The following SWAP70 variants were observed in gnomAD, a reference collection of about 807,000 sequenced individuals.
SWAP70 encodes the protein switch-associated protein 70.
Under a neutral mutation model 80.2 loss-of-function variants are expected in SWAP70, and 34 were observed. The ratio of observed to expected loss-of-function variants is 0.42; its 90% CI spans 0.32 to 0.56. SWAP70 has a LOEUF of 0.56. Ranked by LOEUF, SWAP70 falls within the 20% of genes least tolerant of loss-of-function variation. The pLI, the probability that SWAP70 is intolerant of heterozygous loss-of-function variation, is 0.09. For missense variants in SWAP70, 578 were observed against 690.7 expected, an observed-to-expected ratio of 0.84 and a Z score of 1.83; for synonymous variants, 239 against 238.5, an observed-to-expected ratio of 1.00 and a Z score of -0.02.
chr11:9,718,445 C>T (rs1851093100), intron 3 of SWAP70, among the ~76,000 whole-genome samples: 1 of 152,186 alleles, frequency 6.6e-6, no homozygotes, highest in Non-Finnish European at 1.5e-5. Context: ...TAGCCTATCA[C>T]CTGGCCTTTG....
At chr11:9,667,566 C>A (rs1331028058) in intron 1 of SWAP70, among the ~76,000 whole-genome samples, 1 of 151,674 alleles carries the variant, frequency 6.6e-6, no homozygotes, top group Non-Finnish European at 1.5e-5. Flanking sequence ...CTTTATAATT[C>A]TTTTTCTCTT....
intron 1 of SWAP70, chr11:9,681,289 G>C (rs1590014900): frequency 1.3e-5 from 2 of 152,196 alleles, no homozygotes; most frequent in South Asian, 4.1e-4. Context: ...GAAATACTGT[G>C]AGTGGAGTAG....
At chr11:9,732,497 C>G in intron 6 of SWAP70, 32 bp from the exon 7 acceptor site, 1 of 1,570,448 alleles carries the variant, frequency 6.4e-7, no homozygotes, top group Middle Eastern at 1.7e-4. Context: ...TAATATCTCC[C>G]CATTTTTTTT....
At chr11:9,720,890 A>C (rs1851125656) in intron 3 of SWAP70, among the ~76,000 whole-genome samples, 1 of 152,096 alleles carries the variant, frequency 6.6e-6, no homozygotes, top group Non-Finnish European at 1.5e-5. Flanking sequence ...ATCTTGGCTC[A>C]CTGCAATCTC....
intron 1 of SWAP70, among the ~76,000 whole-genome samples, chr11:9,669,472 C>G: frequency 6.6e-6 from 1 of 152,184 alleles, no homozygotes; most frequent in East Asian, 1.9e-4. Flanking sequence ...TCAAGTGATC[C>G]ACCTGCCTCG....
At chr11:9,706,632 GA>G (rs1308494111) in intron 2 of SWAP70, among the ~76,000 whole-genome samples, 1 of 151,728 alleles carries the variant, frequency 6.6e-6, no homozygotes, top group Admixed American at 6.6e-5. Flanking sequence ...TCTCACATTA[GA>G]AAAAAGTTTT....
intron 4 of SWAP70, 43 bp from the exon 5 acceptor site, chr11:9,728,010 A>G (rs1851248038): frequency 1.3e-6 from 2 of 1,537,164 alleles, no homozygotes; most frequent in South Asian, 1.3e-5. Context: ...CAGCTCTTAC[A>G]AATAAAAAGA....
intron 1 of SWAP70, among the ~76,000 whole-genome samples, chr11:9,669,954 C>T (rs1161163985): frequency 6.6e-6 from 1 of 152,072 alleles, no homozygotes; most frequent in Non-Finnish European, 1.5e-5. Context: ...GTGGCAAAAC[C>T]CTGTCTCTAC....
At chr11:9,689,883 G>A (rs1389803506) in intron 1 of SWAP70, among the ~76,000 whole-genome samples, 1 of 152,158 alleles carries the variant, frequency 6.6e-6, no homozygotes, top group Non-Finnish European at 1.5e-5. Flanking sequence ...CTGATGGGGT[G>A]GGGCTGGGGT....
chr11:9,687,768 G>C (rs1435978233), intron 1 of SWAP70, among the ~76,000 whole-genome samples: 1 of 152,196 alleles, frequency 6.6e-6, no homozygotes, highest in Non-Finnish European at 1.5e-5. Flanking sequence ...GCTAGTCACT[G>C]AAGGATGCAG....
At chr11:9,686,247 C>T (rs1330968387) in intron 1 of SWAP70, among the ~76,000 whole-genome samples, 3 of 151,978 alleles carry the variant, frequency 2.0e-5, no homozygotes, top group African/African-American at 7.2e-5. Flanking sequence ...CCATCATGTA[C>T]ACACATGCAT....
At chr11:9,707,976 C>T (rs893824621) in intron 2 of SWAP70, among the ~76,000 whole-genome samples, 2 of 152,012 alleles carry the variant, frequency 1.3e-5, no homozygotes, top group East Asian at 1.9e-4. Context: ...GATTTTGGTG[C>T]ACCTGTCACC....
At chr11:9,667,257 A>G (rs796720366) in intron 1 of SWAP70, among the ~76,000 whole-genome samples, 36 of 151,730 alleles carry the variant, frequency 2.4e-4, no homozygotes, top group African/African-American at 8.7e-4. Context: ...TGTGAGAGAG[A>G]GAGAGAGAGA....
At chr11:9,712,625 C>T (rs552080876) in intron 2 of SWAP70, among the ~76,000 whole-genome samples, 1 of 151,794 alleles carries the variant, frequency 6.6e-6, no homozygotes, top group Non-Finnish European at 1.5e-5. Context: ...GTACTTGGCT[C>T]GTAGTAGATG....
rs1338234246 is a variant in SWAP70 at position 9,694,236 on chromosome 11, G to A, written c.190G>A (p.Val64Met). The stretch of plus-strand genomic sequence containing the variant: ...CTTCAGGGATGATGATGAGGGTCCA[G>A]TGTCCAACCAGGGCTACATGCCTTA... The part of the protein sequence containing the change: ...EHFRDDDEGP[V>M]SNQGYMPYLN... The change falls in exon 2 of 12, where the codon GTG becomes ATG. Residue 64 changes from valine to methionine, a missense_variant. Coordinates refer to ENST00000318950, the MANE Select transcript of SWAP70 (RefSeq NM_015055.4). The A allele has an allele frequency of 6.2e-7, 1 of 1,613,198 alleles. No individual in the cohort carries two copies. Among genetic ancestry groups the A allele is most frequent in the African/African-American group, 1.3e-5 (1 of 74,890 alleles).
chr11:9,693,856 C>T (rs1419082583), intron 1 of SWAP70, among the ~76,000 whole-genome samples: 1 of 151,378 alleles, frequency 6.6e-6, no homozygotes, highest in Non-Finnish European at 1.5e-5. Flanking sequence ...CTGATGTGGA[C>T]AAATTAGTAA....
intron 1 of SWAP70, among the ~76,000 whole-genome samples, chr11:9,677,499 G>A (rs188714598): frequency 5.3e-5 from 8 of 152,200 alleles, no homozygotes; most frequent in South Asian, 2.1e-4. Flanking sequence ...TGTCCTGGAG[G>A]TAACCATTAT....
intron 1 of SWAP70, among the ~76,000 whole-genome samples, chr11:9,665,770 A>G (rs932943210): frequency 2.0e-5 from 3 of 152,228 alleles, no homozygotes; most frequent in Admixed American, 2.0e-4. Flanking sequence ...TTAGCCATGC[A>G]TCTGTGAGAA....
intron 6 of SWAP70, among the ~76,000 whole-genome samples, chr11:9,731,392 G>A (rs1851295918): frequency 1.3e-5 from 2 of 152,186 alleles, no homozygotes; most frequent in African/African-American, 4.8e-5. Flanking sequence ...TTTCTCTTCT[G>A]TGGAGTGGGG....
Sources: gnomAD v4.1 joint callset for allele counts (sites outside exome capture counted in the v4.1 genomes callset) on GRCh38, gnomAD v4.1.1 for gene constraint, MANE v1.5 for transcripts, NCBI Gene and HGNC (gene_info 2026-07-23, HGNC 2026-07-21) for gene names.